The following NUP210L variants were observed in gnomAD, a reference collection of about 807,000 sequenced individuals.
The protein encoded by NUP210L is nuclear pore membrane glycoprotein 210-like.
NUP210L carries 74 observed loss-of-function variants against 208.5 expected under a neutral mutation model. The ratio of observed to expected loss-of-function variants is 0.35; its 90% CI spans 0.29 to 0.43. The LOEUF (loss-of-function observed/expected upper bound fraction) is 0.43. Ranked by LOEUF, NUP210L falls within the 20% of genes least tolerant of loss-of-function variation. NUP210L has a pLI of 1.00. For synonymous variants in NUP210L, 780 were observed against 816.9 expected (o/e 0.95, Z 0.77); for missense variants, 1,843 against 2,289.4 (o/e 0.81, Z 3.98).
At chr1:154,139,687 CAA>C (rs879154434) in intron 5 of NUP210L, 113 bp downstream of exon 5, 697 of 539,114 alleles carry the variant, frequency 1.3e-3, no homozygotes, top group South Asian at 2.6e-3. Flanking sequence ...AACAAACAAA[CAA>C]AAAAAAAAAA....
chr1:154,120,110 A>C (rs1657537882), intron 10 of NUP210L, among the ~76,000 whole-genome samples: 1 of 152,086 alleles, frequency 6.6e-6, no homozygotes, highest in African/African-American at 2.4e-5. Flanking sequence ...ATGATATCTC[A>C]TTGTGGTTTT....
intron 23 of NUP210L, among the ~76,000 whole-genome samples, chr1:154,055,107 T>C (rs1003066845): frequency 2.0e-5 from 3 of 147,068 alleles, no homozygotes; most frequent in Non-Finnish European, 4.4e-5. Context: ...CTCTTTCTTT[T>C]CTTTCTCTTT....
intron 37 of NUP210L, among the ~76,000 whole-genome samples, chr1:153,998,376 G>A (rs1174989786): frequency 6.6e-6 from 1 of 152,014 alleles, no homozygotes; most frequent in Non-Finnish European, 1.5e-5. Flanking sequence ...CCAACATGGT[G>A]AAACCTTGCC....
At position 154,077,138 on chromosome 1, in the gene NUP210L, G is replaced by A. The variant is rs544883270; in HGVS notation, c.2362-6673C>T. On this transcript the variant is annotated intron_variant, in intron 16 of 39. Coordinates refer to ENST00000368559, the Ensembl canonical transcript of NUP210L. ...GCTTGTAATCTTAGCACTTTGGGGG[G>A]CCGAGGCAGGTGGATTGCCTGAGCT... Among the ~76,000 whole-genome samples the A allele has an allele frequency of 2.0e-5, 3 of 152,178 alleles. No individual in the cohort carries two copies. In the South Asian group the frequency reaches 6.2e-4, roughly 32 times the overall value.
chr1:154,087,339 A>AAG lies in NUP210L; in HGVS notation c.2361+2081_2361+2082insCT, dbSNP rs1553233669. ...CCATCTCAAAAAAAAAAAAAAAAAA[A>AAG]GGGGCAACATAATTAGACAGTGGAA... is the stretch of plus-strand genomic sequence containing the variant. On this transcript the variant is annotated intron_variant, in intron 16 of 39. Transcript: ENST00000368559. Among the ~76,000 whole-genome samples the AAG allele has an allele frequency of 3.1e-3, 464 of 148,954 alleles. 4 individuals are homozygous for AAG. The highest frequency in any genetic ancestry group is 0.011 in the African/African-American group (432 of 40,422).
At position 154,101,273 on chromosome 1, in the gene NUP210L, C is replaced by T. The variant is rs372547847; in HGVS notation, c.1820-1130G>A. 6.0e-5 allele frequency among the ~76,000 whole-genome samples: 9 copies of T among 151,240 alleles called. No individual in the cohort carries two copies. In the East Asian group the frequency reaches 1.4e-3, roughly 23 times the overall value. ...GCAGGTGGATCACCTGAGGTCAGTT[C>T]GAGACCAGCCTGGCCAATATGGTGA... On this transcript the variant is annotated intron_variant, in intron 13 of 39. Coordinates refer to ENST00000368559, the Ensembl canonical transcript of NUP210L.
chr1:154,030,778 C>G (rs1652172854), intron 27 of NUP210L, among the ~76,000 whole-genome samples: 1 of 151,752 alleles, frequency 6.6e-6, no homozygotes, highest in Admixed American at 6.6e-5. Flanking sequence ...GTTGCCAAGG[C>G]TGGAGTGCAG....
chr1:154,151,241 G>A (rs1184328005), intron 2 of NUP210L, among the ~76,000 whole-genome samples: 2 of 129,588 alleles, frequency 1.5e-5, no homozygotes, highest in Non-Finnish European at 3.1e-5. Flanking sequence ...TGCATGACAT[G>A]GTCTTCAAAG....
chr1:154,062,768 C>T (rs539974121), intron 17 of NUP210L, among the ~76,000 whole-genome samples: 3 of 151,510 alleles, frequency 2.0e-5, no homozygotes, highest in South Asian at 4.2e-4. Flanking sequence ...TTTGTAGAGA[C>T]GGGGTCTTGC....
chr1:154,139,713 T>C, intron 5 of NUP210L, 89 bp downstream of exon 5: 1 of 861,274 alleles, frequency 1.2e-6, no homozygotes, highest in Non-Finnish European at 1.8e-6. Context: ...ACAGGGCGGG[T>C]AGTGCATTCT....
chr1:154,051,146 T>G (rs1301517601), intron 25 of NUP210L, among the ~76,000 whole-genome samples: 1 of 152,200 alleles, frequency 6.6e-6, no homozygotes, highest in East Asian at 1.9e-4. Context: ...TTCCAGGACC[T>G]TTAACTGAAG....
At position 154,070,268 on chromosome 1, in the gene NUP210L, A is replaced by G. The variant is rs1323044436; in HGVS notation, c.2554+5T>C. The G allele has an allele frequency of 6.4e-7, 1 of 1,567,604 alleles. No individual in the cohort carries two copies. The highest frequency in any genetic ancestry group is 1.4e-5 in the African/African-American group (1 of 72,948). ...TATGAAAAGACTTGTATATTTTCAC[A>G]ATACCATGTAACCGGGTCTGCCCAC... On this transcript the variant is annotated splice_donor_5th_base_variant and intron_variant, in intron 17 of 39. Transcript: ENST00000368559.
chr1:154,051,937 G>A (rs1653523744), intron 25 of NUP210L, among the ~76,000 whole-genome samples: 1 of 152,112 alleles, frequency 6.6e-6, no homozygotes, highest in African/African-American at 2.4e-5. Context: ...ACACATTACT[G>A]GTATCCCATA....
intron 22 of NUP210L, among the ~76,000 whole-genome samples, chr1:154,057,815 T>C (rs997219034): frequency 1.3e-5 from 2 of 151,372 alleles, no homozygotes; most frequent in African/African-American, 4.9e-5. Flanking sequence ...TATATTATAG[T>C]GTGCTAGAGC....
At chr1:154,125,456 C>G (rs1657841081) in intron 10 of NUP210L, among the ~76,000 whole-genome samples, 1 of 149,872 alleles carries the variant, frequency 6.7e-6, no homozygotes, top group East Asian at 2.0e-4. Flanking sequence ...CCTCGAAAAA[C>G]TAAACAAAAA....
intron 3 of NUP210L, 45 bp from the exon 4 acceptor site, chr1:154,141,569 A>G: frequency 8.7e-7 from 1 of 1,151,270 alleles, no homozygotes; most frequent in Non-Finnish European, 1.3e-6. Context: ...CACGTATTTA[A>G]AAATATTCAG....
exon 1 of NUP210L, chr1:154,154,980 T>C (rs1375261241): frequency 3.7e-6 from 6 of 1,613,924 alleles, no homozygotes; most frequent in Non-Finnish European, 5.1e-6. Flanking sequence ...CAGGAGGCGG[T>C]GTAGACGCAA....
chr1:154,061,017 A>G lies in NUP210L; in HGVS notation c.2673T>C (p.Asp891=), dbSNP rs746262123. The stretch of plus-strand genomic sequence containing the variant: ...CATCATCTACCAGGAGCAGTTCCAC[A>G]TCTACAGATCTGGGCAAGTTGGAAA... The change falls in exon 19 of 40, where the codon GAT becomes GAC. Residue 891 remains aspartate (D), a synonymous_variant. Transcript: ENST00000368559. 1.4e-5 allele frequency: 23 copies of G among 1,613,258 alleles called. No homozygotes were observed. In the South Asian group the frequency reaches 1.8e-4, roughly 12 times the overall value.
At chr1:154,149,275 G>A (rs1035050901) in intron 2 of NUP210L, among the ~76,000 whole-genome samples, 2 of 151,826 alleles carry the variant, frequency 1.3e-5, no homozygotes, top group African/African-American at 2.4e-5. Flanking sequence ...TAGTAGAGAC[G>A]GGGTTTCACC....
Sources: gnomAD v4.1 joint callset for allele counts (sites outside exome capture counted in the v4.1 genomes callset) on GRCh38, gnomAD v4.1.1 for gene constraint, MANE v1.5 for transcripts, NCBI Gene and HGNC (gene_info 2026-07-23, HGNC 2026-07-21) for gene names.